Variants in ZFHX4 observed in about 807,000 individuals in gnomAD.
The protein encoded by ZFHX4 is zinc finger homeobox 4, also known as zinc finger homeobox protein 4.
In ZFHX4, 56 loss-of-function variants were observed where a neutral mutation model predicts 267.6. The observed-to-expected ratio is 0.21, with a 90% CI of 0.17 to 0.26. The LOEUF (loss-of-function observed/expected upper bound fraction) is 0.26, where lower values mean the gene tolerates loss of function less well. ZFHX4 is among the 10% of genes least tolerant of loss of function. ZFHX4 has a pLI of 1.00. For synonymous variants in ZFHX4, 1,778 were observed against 1,665.6 expected (o/e 1.07, Z -1.64); for missense variants, 4,332 against 4,420.0 (o/e 0.98, Z 0.56).
At chr8:76,681,893 G>A (rs1017373949) in intron 1 of ZFHX4, among the ~76,000 whole-genome samples, 1 of 152,104 alleles carries the variant, frequency 6.6e-6, no homozygotes, top group South Asian at 2.1e-4. Context: ...GAGGGAGGGG[G>A]CACTGAGGGA....
chr8:76,839,099 G>GAGA (rs1491041721), intron 5 of ZFHX4, among the ~76,000 whole-genome samples: 1 of 137,358 alleles, frequency 7.3e-6, no homozygotes, highest in African/African-American at 2.8e-5. Context: ...GAGAGAGAGA[G>GAGA]AAGGACAATG....
At chr8:76,841,046 C>T (rs543187860) in intron 5 of ZFHX4, among the ~76,000 whole-genome samples, 1 of 152,310 alleles carries the variant, frequency 6.6e-6, no homozygotes, top group East Asian at 1.9e-4. Context: ...TTCCCTCAAA[C>T]CCTCAGATGA....
intron 3 of ZFHX4, among the ~76,000 whole-genome samples, chr8:76,762,736 T>C (rs1159553969): frequency 3.9e-5 from 6 of 152,214 alleles, no homozygotes; most frequent in African/African-American, 7.2e-5. Context: ...GTCAATCTTA[T>C]AGATGCCAAT....
At chr8:76,694,261 T>G (rs1807896373) in intron 1 of ZFHX4, among the ~76,000 whole-genome samples, 1 of 152,204 alleles carries the variant, frequency 6.6e-6, no homozygotes, top group South Asian at 2.1e-4. Flanking sequence ...AGTTTCACAT[T>G]TAATCATAGT....
intron 3 of ZFHX4, among the ~76,000 whole-genome samples, chr8:76,723,243 G>T (rs962360579): frequency 6.6e-5 from 10 of 151,896 alleles, no homozygotes; most frequent in African/African-American, 2.2e-4. Context: ...TTTGCCTTTG[G>T]TATGATACAA....
chr8:76,830,026 C>G (rs1404121380), intron 4 of ZFHX4, among the ~76,000 whole-genome samples: 1 of 152,104 alleles, frequency 6.6e-6, no homozygotes, highest in East Asian at 1.9e-4. Flanking sequence ...TTCAATGTAT[C>G]ATTGTGGTTA....
intron 3 of ZFHX4, among the ~76,000 whole-genome samples, chr8:76,768,461 A>C (rs1810146646): frequency 6.6e-6 from 1 of 152,172 alleles, no homozygotes; most frequent in Non-Finnish European, 1.5e-5. Flanking sequence ...GGAAGAAGTA[A>C]ATAGGAGATA....
In ZFHX4 at chr8:76,850,157, A is replaced by C; in HGVS notation, c.3847-88A>C. On this transcript the variant is annotated intron_variant, in intron 8 of 10. Coordinates refer to ENST00000651372, the MANE Select transcript of ZFHX4 (RefSeq NM_024721.5). Reference sequence around the variant, plus strand: ...GCTTTGGCTAAAATAAACAAATGTAAGTGGGATATGCTACCAGCAAAAGAG... The same window carrying C: ...GCTTTGGCTAAAATAAACAAATGTACGTGGGATATGCTACCAGCAAAAGAG... 4 of 1,042,198 alleles carry C rather than the reference A, an allele frequency of 3.8e-6. 1 individual carries two copies. The South Asian group carries it at 6.1e-5, about 16-fold the overall frequency. 64.6% of individuals were successfully genotyped at this position (1,042,198 alleles called of 1,614,324 possible). A position where few individuals can be genotyped will look rare whatever the true frequency, so the allele number is the denominator to read the frequency against.
In ZFHX4 at chr8:76,705,613, C is replaced by G; in HGVS notation, c.1525C>G (p.Pro509Ala). The change falls in exon 2 of 11, where the codon CCT becomes GCT. Residue 509 changes from proline to alanine, a missense_variant. Physicochemically the swap from Pro to Ala is conservative, Grantham distance 27. This residue lies in a region of ZFHX4 where 1,195 missense variants were observed against 1,173.6 expected (regional missense o/e 1.02). Transcript: ENST00000651372. Reference protein sequence around the residue: ...DFPLLNQSISPLSSSVLKFIE... With the variant: ...DFPLLNQSISALSSSVLKFIE... Reference sequence around the variant, plus strand: ...CCCTCTCTTAAACCAAAGCATTTCTCCTTTATCATCCAGTGTGCTAAAATT... The same window carrying G: ...CCCTCTCTTAAACCAAAGCATTTCTGCTTTATCATCCAGTGTGCTAAAATT... 6.2e-7 allele frequency: 1 copy of G among 1,613,872 alleles called. No individual in the cohort carries two copies. Among genetic ancestry groups the G allele is most frequent in the Non-Finnish European group, 8.5e-7 (1 of 1,179,828 alleles).
chr8:76,759,137 C>T (rs534459483), intron 3 of ZFHX4, among the ~76,000 whole-genome samples: 5 of 152,146 alleles, frequency 3.3e-5, no homozygotes, highest in South Asian at 4.1e-4. Flanking sequence ...AAACCTTAAA[C>T]CTTAAAAATC....
intron 3 of ZFHX4, among the ~76,000 whole-genome samples, chr8:76,723,630 G>A (rs1563485139): frequency 6.6e-6 from 1 of 150,954 alleles, no homozygotes; most frequent in African/African-American, 2.4e-5. Flanking sequence ...CAGACTCTAT[G>A]CTAGGAAATA....
intron 4 of ZFHX4, among the ~76,000 whole-genome samples, chr8:76,831,503 C>CTCATCT (rs1380217306): frequency 6.6e-6 from 1 of 152,160 alleles, no homozygotes; most frequent in Admixed American, 6.6e-5. Flanking sequence ...CAAGAAAATT[C>CTCATCT]TCATCTTCAG....
intron 4 of ZFHX4, among the ~76,000 whole-genome samples, chr8:76,833,037 G>A (rs1219543273): frequency 3.9e-5 from 6 of 151,996 alleles, no homozygotes; most frequent in Non-Finnish European, 8.8e-5. Context: ...ATAACATATA[G>A]GCTTGGCCAA....
Position 76,833,356 on chromosome 8 carries a change from C to A in ZFHX4, c.3344C>A (p.Ala1115Asp). 1 of 1,610,778 alleles carries A rather than the reference C, an allele frequency of 6.2e-7. No individual in the cohort carries two copies. The highest frequency in any genetic ancestry group is 1.1e-5 in the South Asian group (1 of 90,362). Residue 1115 changes from alanine (A) to aspartate (D), a missense_variant, in exon 5 of 11, where the codon GCC (alanine) becomes GAC (aspartate). Ala to Asp is a moderately radical substitution (Grantham distance 126, BLOSUM62 -2). This residue lies in a region of ZFHX4 where 1,371 missense variants were observed against 1,423.1 expected (regional missense o/e 0.96). Transcript: ENST00000651372. ...PNELETASLG[A>D]RTCDDDLTEQ... ...TCTGCAGAAACTGCCTCATTGGGAG[C>A]CAGGACTTGTGATGATGATCTTACA...
intron 4 of ZFHX4, among the ~76,000 whole-genome samples, chr8:76,814,120 G>A (rs1263893860): frequency 3.3e-5 from 5 of 151,964 alleles, no homozygotes; most frequent in Admixed American, 3.3e-4. Context: ...CACCCAAGCT[G>A]GAGTGCAGTG....
Position 76,865,608 on chromosome 8 carries a change from A to C in ZFHX4, c.*1043A>C, listed in dbSNP as rs1813005898. 6.6e-6 allele frequency: 1 copy of C among 152,598 alleles called. No homozygotes were observed. Among genetic ancestry groups the C allele is most frequent in the Non-Finnish European group, 1.5e-5 (1 of 68,030 alleles). The allele number at this position is 152,598 out of a possible 1,614,324, so 9.5% of individuals were successfully genotyped here. A position where few individuals can be genotyped will look rare whatever the true frequency, so the allele number is the denominator to read the frequency against. ...TATTTAACAATTGGTGCATAAATGAAAGTAGTACTGTATACTTGAAACTGT... is the reference window on the plus strand; with the variant it reads ...TATTTAACAATTGGTGCATAAATGACAGTAGTACTGTATACTTGAAACTGT... On this transcript the variant is annotated 3_prime_UTR_variant, in exon 11 of 11. Transcript: ENST00000651372.
chr8:76,852,965 C>G lies in ZFHX4; in HGVS notation c.6044C>G (p.Ala2015Gly), dbSNP rs763002745. ...CCTCCTCCTCCTCCCTTGCCTCCGG[C>G]TCCTCCACAGCCTTCTTCTATGGGT... ...PPPPPPPLPP[A>G]PPQPSSMGPV... The change falls in exon 10 of 11, where the codon GCT becomes GGT. Residue 2015 changes from alanine (A) to glycine (G), a missense_variant. By Grantham distance (60) the Ala-to-Gly change is moderately conservative. This residue lies in a region of ZFHX4 where 1,371 missense variants were observed against 1,423.1 expected (regional missense o/e 0.96). Coordinates refer to ENST00000651372, the MANE Select transcript of ZFHX4 (RefSeq NM_024721.5). 3.8e-6 allele frequency: 6 copies of G among 1,563,904 alleles called. No individual in the cohort carries two copies. The South Asian group carries it at 7.0e-5, about 18-fold the overall frequency.
intron 1 of ZFHX4, chr8:76,682,576 C>T (rs1038537160): frequency 6.6e-6 from 1 of 152,260 alleles, no homozygotes; most frequent in Non-Finnish European, 1.5e-5. Flanking sequence ...CTGCTTGCTC[C>T]GAACGGAACG....
intron 3 of ZFHX4, among the ~76,000 whole-genome samples, chr8:76,747,880 C>T (rs573827064): frequency 4.6e-4 from 70 of 152,000 alleles, no homozygotes; most frequent in Non-Finnish European, 9.3e-4. Context: ...TGCAGTGAGC[C>T]GAGATTGCGT....
Sources: allele counts gnomAD v4.1 joint callset (sites outside exome capture counted in the v4.1 genomes callset), GRCh38; gene constraint gnomAD v4.1.1; regional missense constraint gnomAD v4.1.1; transcripts MANE v1.5; gene names NCBI Gene and HGNC (gene_info 2026-07-23, HGNC 2026-07-21).